CGNL1: variants seen among roughly 807,000 people sequenced by gnomAD.
CGNL1 encodes cingulin like 1, also known as cingulin-like protein 1.
A neutral mutation model predicts 141.2 loss-of-function variants in CGNL1; 132 were observed. The ratio of observed to expected loss-of-function variants is 0.93; its 90% CI spans 0.81 to 1.08. CGNL1 has a LOEUF of 1.08. Ranked by LOEUF, CGNL1 falls within the 50% of genes least tolerant of loss-of-function variation. CGNL1 has a pLI of 0.00. For missense variants in CGNL1, 1,870 were observed against 1,588.6 expected (o/e 1.18, Z -3.01); for synonymous variants, 690 against 622.1 (o/e 1.11, Z -1.63).
intron 8 of CGNL1, among the ~76,000 whole-genome samples, chr15:57,492,934 A>G (rs1257823432): frequency 2.6e-5 from 4 of 152,146 alleles, no homozygotes; most frequent in Non-Finnish European, 4.4e-5. Context: ...GTCATCAGGT[A>G]TGGGCATTTT....
At chr15:57,441,346 A>G (rs540761926) in intron 3 of CGNL1, among the ~76,000 whole-genome samples, 2 of 152,114 alleles carry the variant, frequency 1.3e-5, no homozygotes, top group African/African-American at 4.8e-5. Context: ...AGGTAGAAGA[A>G]ATCTTGACTT....
At chr15:57,436,368 T>G (rs2063105767) in intron 1 of CGNL1, among the ~76,000 whole-genome samples, 1 of 152,176 alleles carries the variant, frequency 6.6e-6, no homozygotes, top group African/African-American at 2.4e-5. Flanking sequence ...GGCCTAAGCT[T>G]TTGGGCTATG....
rs187625380 is a variant in CGNL1, at chr15:57,413,399, C to T, written c.-15-24586C>T. Among the ~76,000 whole-genome samples the T allele has an allele frequency of 1.6e-3, 245 of 152,308 alleles. 1 individual carries two copies. Among genetic ancestry groups the T allele is most frequent in the African/African-American group, 5.6e-3 (231 of 41,578 alleles). On this transcript the variant is annotated intron_variant, in intron 1 of 18. Transcript: ENST00000281282. Reference sequence around the variant, plus strand: ...TCAAGCCATCCTCCGAGCTCAGCCTCCTGAGTAGCTGAGACTACAAGGTGC... The same window carrying T: ...TCAAGCCATCCTCCGAGCTCAGCCTTCTGAGTAGCTGAGACTACAAGGTGC...
chr15:57,389,480 A>G (rs534129134), intron 1 of CGNL1, among the ~76,000 whole-genome samples: 51 of 152,348 alleles, frequency 3.3e-4, no homozygotes, highest in Middle Eastern at 3.4e-3. Flanking sequence ...ATGAGCAGAC[A>G]CTTTTTCAAC....
intron 8 of CGNL1, chr15:57,478,462 G>C (rs1303357594): frequency 6.6e-6 from 1 of 152,216 alleles, no homozygotes; most frequent in East Asian, 1.9e-4. Flanking sequence ...GCTCCTTCTG[G>C]AAGGCACTTT....
At chr15:57,531,987 T>G (rs927800566) in intron 14 of CGNL1, among the ~76,000 whole-genome samples, 1 of 152,170 alleles carries the variant, frequency 6.6e-6, no homozygotes, top group Non-Finnish European at 1.5e-5. Context: ...TTTTACTCCT[T>G]GGTCAGATTA....
intron 8 of CGNL1, among the ~76,000 whole-genome samples, chr15:57,464,972 G>A (rs182394809): frequency 4.6e-5 from 7 of 151,952 alleles, no homozygotes; most frequent in Admixed American, 3.3e-4. Flanking sequence ...GGCTGGTCTC[G>A]AACACCTGGC....
At chr15:57,437,740 C>G (rs1444573575) in intron 1 of CGNL1, among the ~76,000 whole-genome samples, 1 of 151,654 alleles carries the variant, frequency 6.6e-6, no homozygotes, top group Non-Finnish European at 1.5e-5. Flanking sequence ...TGTCTGCCCT[C>G]AGGCCAGGGT....
At chr15:57,435,418 T>G (rs2063094886) in intron 1 of CGNL1, among the ~76,000 whole-genome samples, 2 of 151,218 alleles carry the variant, frequency 1.3e-5, no homozygotes, top group South Asian at 4.2e-4. Flanking sequence ...TTTTTTTGTT[T>G]TTTTTTTTTT....
intron 1 of CGNL1, among the ~76,000 whole-genome samples, chr15:57,418,334 A>G (rs1219652115): frequency 2.0e-5 from 3 of 151,990 alleles, no homozygotes; most frequent in Admixed American, 2.0e-4. Context: ...CTCATGCCTC[A>G]TTTTTTGGTA....
In CGNL1 at chr15:57,452,180, G is replaced by T; in HGVS notation, c.1945G>T (p.Ala649Ser). 1 of 1,613,558 alleles carries T rather than the reference G, an allele frequency of 6.2e-7. No homozygotes were observed. The highest frequency in any genetic ancestry group is 8.5e-7 in the Non-Finnish European group (1 of 1,179,662). The change falls in exon 6 of 19, where the codon GCA becomes TCA. Residue 649 changes from alanine (A) to serine (S), a missense_variant. Physicochemically the swap from Ala to Ser is moderately conservative, Grantham distance 99 (BLOSUM62 1). Transcript: ENST00000281282. ...NIKEERERMR[A>S]NLEELRSQHN... is the part of the protein sequence containing the mutation. ...TAAAGAAGAGAGAGAGAGGATGAGAGCAAACCTAGAAGAGCTCCGAAGCCA... is the reference window on the plus strand; with the variant it reads ...TAAAGAAGAGAGAGAGAGGATGAGATCAAACCTAGAAGAGCTCCGAAGCCA...
At position 57,439,352 on chromosome 15, in the gene CGNL1, G is replaced by C. The variant is rs151050069; in HGVS notation, c.1353G>C (p.Ala451=). 2 of 1,614,110 alleles carry C rather than the reference G, an allele frequency of 1.2e-6. No individual in the cohort carries two copies. The highest frequency in any genetic ancestry group is 2.2e-5 in the South Asian group (2 of 91,086). Residue 451 remains alanine (A), a synonymous_variant, in exon 2 of 19, where the codon GCG becomes GCC. Coordinates refer to ENST00000281282, the MANE Select transcript of CGNL1 (RefSeq NM_032866.5). ...GRTFAKLQGA[A]HGASCAHSRP... ...CCTTTGCAAAGCTGCAGGGAGCAGC[G>C]CACGGGGCTTCATGTGCCCACTCCA... is the stretch of plus-strand genomic sequence containing the variant.
chr15:57,524,432 C>G (rs2031476903), intron 11 of CGNL1, 149 bp from the exon 12 acceptor site: 1 of 734,120 alleles, frequency 1.4e-6, no homozygotes, highest in Non-Finnish European at 2.3e-6. Flanking sequence ...GTGCCCACAC[C>G]TGGCTGACTC....
chr15:57,402,815 T>G (rs1465073793), intron 1 of CGNL1: 1 of 152,256 alleles, frequency 6.6e-6, no homozygotes, highest in African/African-American at 2.4e-5. Flanking sequence ...GATTAAGTTA[T>G]TCATGGGGAC....
chr15:57,469,067 A>G (rs556197161), intron 8 of CGNL1, among the ~76,000 whole-genome samples: 2 of 152,068 alleles, frequency 1.3e-5, no homozygotes, highest in Non-Finnish European at 2.9e-5. Flanking sequence ...AAAATGGACT[A>G]ATACAGAGAC....
chr15:57,510,274 T>C (rs2172613), intron 8 of CGNL1, among the ~76,000 whole-genome samples: 23,778 of 152,164 alleles, frequency 0.16, 2,313 homozygotes, highest in East Asian at 0.47. Flanking sequence ...AATAATGTAC[T>C]AGGTGGGCAA....
chr15:57,517,274 G>A (rs1237566446), intron 9 of CGNL1, among the ~76,000 whole-genome samples: 5 of 152,144 alleles, frequency 3.3e-5, no homozygotes, highest in Non-Finnish European at 5.9e-5. Context: ...GCTTCACACA[G>A]GCATCCACCT....
intron 1 of CGNL1, among the ~76,000 whole-genome samples, chr15:57,417,085 C>T (rs947019929): frequency 9.2e-5 from 14 of 152,240 alleles, no homozygotes; most frequent in South Asian, 2.1e-4. Flanking sequence ...ACTTACCTGG[C>T]GGGGTTGCTG....
At chr15:57,522,231 C>T (rs2031311695) in intron 10 of CGNL1, among the ~76,000 whole-genome samples, 1 of 152,214 alleles carries the variant, frequency 6.6e-6, no homozygotes. Context: ...GCCACGTTGG[C>T]TGCTTCTCAA....
Sources: gnomAD v4.1 joint callset for allele counts (sites outside exome capture counted in the v4.1 genomes callset) on GRCh38, gnomAD v4.1.1 for gene constraint, MANE v1.5 for transcripts, NCBI Gene and HGNC (gene_info 2026-07-23, HGNC 2026-07-21) for gene names.